Variants in NDUFAF2 observed in about 807,000 individuals in gnomAD.
NDUFAF2 encodes NADH dehydrogenase [ubiquinone] 1 alpha subcomplex assembly factor 2.
NDUFAF2 carries 13 observed loss-of-function variants against 22.8 expected under a neutral mutation model. The ratio of observed to expected loss-of-function variants is 0.57; its 90% confidence interval spans 0.37 to 0.91. The LOEUF (loss-of-function observed/expected upper bound fraction) is 0.91. NDUFAF2 is among the 40% of genes least tolerant of loss of function. The pLI, the probability that NDUFAF2 is intolerant of heterozygous loss-of-function variation, is 0.01. For synonymous variants in NDUFAF2, 53 were observed against 64.2 expected (o/e 0.83, Z 0.84); for missense variants, 162 against 195.2 (o/e 0.83, Z 1.01).
At chr5:61,033,051 C>T (rs1373405402) in intron 1 of NDUFAF2, among the ~76,000 whole-genome samples, 1 of 152,074 alleles carries the variant, frequency 6.6e-6, no homozygotes, top group African/African-American at 2.4e-5. Context: ...AATGTTTTTC[C>T]ATTTGTTTGT....
At chr5:61,150,533 A>G (rs1342577395) in intron 3 of NDUFAF2, among the ~76,000 whole-genome samples, 4 of 152,208 alleles carry the variant, frequency 2.6e-5, no homozygotes, top group Non-Finnish European at 5.9e-5. Flanking sequence ...AAGGCAGGAG[A>G]AACAAGAACA....
At chr5:61,059,318 AT>A (rs757511268) in intron 1 of NDUFAF2, among the ~76,000 whole-genome samples, 1 of 152,098 alleles carries the variant, frequency 6.6e-6, no homozygotes, top group Non-Finnish European at 1.5e-5. Flanking sequence ...ATAAGAGTTT[AT>A]TGTCCTTGTG....
chr5:61,042,810 C>T (rs975673611), intron 1 of NDUFAF2, among the ~76,000 whole-genome samples: 3 of 152,086 alleles, frequency 2.0e-5, no homozygotes, highest in Non-Finnish European at 4.4e-5. Flanking sequence ...TCAAACCATA[C>T]AAAAACATGG....
At chr5:61,083,912 A>G (rs949447808) in intron 2 of NDUFAF2, among the ~76,000 whole-genome samples, 3 of 151,776 alleles carry the variant, frequency 2.0e-5, no homozygotes, top group Non-Finnish European at 3.0e-5. Flanking sequence ...GTCTGCATAA[A>G]CAATCTTTTC....
intron 3 of NDUFAF2, among the ~76,000 whole-genome samples, chr5:61,100,560 C>G (rs981949122): frequency 6.9e-6 from 1 of 144,768 alleles, no homozygotes; most frequent in South Asian, 2.2e-4. Flanking sequence ...CACACACACA[C>G]TCTTTTCCTT....
At chr5:61,030,601 C>T (rs1751710739) in intron 1 of NDUFAF2, among the ~76,000 whole-genome samples, 2 of 151,840 alleles carry the variant, frequency 1.3e-5, no homozygotes, top group South Asian at 4.2e-4. Context: ...AGTTTTCTGC[C>T]TTAGCTGTTT....
chr5:61,145,120 T>A (rs921314707), intron 3 of NDUFAF2, among the ~76,000 whole-genome samples: 2 of 152,178 alleles, frequency 1.3e-5, no homozygotes, highest in Admixed American at 6.6e-5. Flanking sequence ...AAAACAAACT[T>A]TAAATCTCTT....
chr5:61,034,912 ATGTG>A lies in NDUFAF2; in HGVS notation c.128-38185_128-38182del, dbSNP rs1554080641. On this transcript the variant is annotated intron_variant, in intron 1 of 3. Transcript: ENST00000296597. ...GGTTTTTTTAGGTAGGCAAATATATATGTGTGTGTGTGTGTGTGTGTGTGTGTGT... is the reference window on the plus strand; with the variant it reads ...GGTTTTTTTAGGTAGGCAAATATATATGTGTGTGTGTGTGTGTGTGTGTGT... Among the ~76,000 whole-genome samples, 186 of 144,986 alleles carry A rather than the reference ATGTG, an allele frequency of 1.3e-3. 3 individuals are homozygous for A. Among genetic ancestry groups the A allele is most frequent in the African/African-American group, 3.8e-3 (151 of 39,244 alleles).
intron 3 of NDUFAF2, among the ~76,000 whole-genome samples, chr5:61,133,876 T>C (rs1419670109): frequency 6.6e-6 from 1 of 152,232 alleles, no homozygotes. Context: ...AAAACCTATT[T>C]TCATACAGCC....
At chr5:60,985,944 A>T (rs998200260) in intron 1 of NDUFAF2, among the ~76,000 whole-genome samples, 1 of 152,204 alleles carries the variant, frequency 6.6e-6, no homozygotes, top group African/African-American at 2.4e-5. Flanking sequence ...CAGAACTACA[A>T]GGAGATATCT....
intron 1 of NDUFAF2, among the ~76,000 whole-genome samples, chr5:61,033,436 A>T (rs868102162): frequency 1.3e-5 from 2 of 152,134 alleles, no homozygotes; most frequent in Non-Finnish European, 2.9e-5. Flanking sequence ...GCTTTATTAC[A>T]TATCATCCCT....
At chr5:61,052,833 G>A (rs567400858) in intron 1 of NDUFAF2, among the ~76,000 whole-genome samples, 16 of 152,302 alleles carry the variant, frequency 1.1e-4, no homozygotes, top group Admixed American at 5.9e-4. Flanking sequence ...GAATATGATA[G>A]TGTTCGTTAT....
At chr5:61,152,615 A>T (rs1427188369) in intron 3 of NDUFAF2, 89 bp from the exon 4 acceptor site, 3 of 891,278 alleles carry the variant, frequency 3.4e-6, no homozygotes, top group African/African-American at 1.7e-5. Flanking sequence ...TTATATGTAT[A>T]TAATGTATTT....
chr5:60,966,487 C>T (rs1292343929), intron 1 of NDUFAF2, among the ~76,000 whole-genome samples: 2 of 152,086 alleles, frequency 1.3e-5, no homozygotes, highest in African/African-American at 2.4e-5. Flanking sequence ...TTTTACAGTA[C>T]AAGTCCTGTG....
intron 1 of NDUFAF2, among the ~76,000 whole-genome samples, chr5:61,052,791 T>C (rs1322613479): frequency 6.6e-6 from 1 of 152,222 alleles, no homozygotes; most frequent in East Asian, 1.9e-4. Context: ...TTCACCAGGT[T>C]TTTAATTCAG....
intron 1 of NDUFAF2, among the ~76,000 whole-genome samples, chr5:61,015,425 G>A (rs1419766672): frequency 6.6e-6 from 1 of 152,032 alleles, no homozygotes; most frequent in Non-Finnish European, 1.5e-5. Flanking sequence ...GGGACTACAG[G>A]TGCATGCCAC....
intron 2 of NDUFAF2, among the ~76,000 whole-genome samples, chr5:61,085,492 A>G (rs1258957653): frequency 6.6e-6 from 1 of 152,186 alleles, no homozygotes; most frequent in Admixed American, 6.6e-5. Flanking sequence ...TGGGAACAAG[A>G]CAAGGATATC....
At chr5:60,957,537 TC>T (rs1352480596) in intron 1 of NDUFAF2, among the ~76,000 whole-genome samples, 1 of 151,804 alleles carries the variant, frequency 6.6e-6, no homozygotes, top group Non-Finnish European at 1.5e-5. Context: ...CTATAGATTC[TC>T]CCTTTATCTT....
rs1750418234 is a variant in NDUFAF2, at chr5:60,945,338, T to G, written c.83T>G (p.Phe28Cys). The G allele has an allele frequency of 1.2e-6, 2 of 1,614,070 alleles. No homozygotes were observed. The highest frequency in any genetic ancestry group is 2.7e-5 in the African/African-American group (2 of 75,018). Reference sequence around the variant, plus strand: ...AAGGAGCACGTGGGCACGGACCAATTCGGGAACAAATACTACTACATCCCG... The same window carrying G: ...AAGGAGCACGTGGGCACGGACCAATGCGGGAACAAATACTACTACATCCCG... ...EVKEHVGTDQFGNKYYYIPQY... is the reference protein window; with the variant it reads ...EVKEHVGTDQCGNKYYYIPQY... Residue 28 changes from phenylalanine to cysteine, a missense_variant, in exon 1 of 4, where the codon TTC becomes TGC. Physicochemically the swap from Phe to Cys is radical, Grantham distance 205 (BLOSUM62 -2). Around this residue, in one of 2 missense-constraint regions of NDUFAF2, gnomAD observed 94 missense variants for 85.2 expected, o/e 1.10. Transcript: ENST00000296597.
Sources: gnomAD v4.1 joint callset for allele counts (sites outside exome capture counted in the v4.1 genomes callset) on GRCh38, gnomAD v4.1.1 for gene constraint, gnomAD v4.1.1 regional missense constraint, MANE v1.5 for transcripts, NCBI Gene and HGNC (gene_info 2026-07-23, HGNC 2026-07-21) for gene names.